Variants in DLG2 observed in about 807,000 individuals in gnomAD.
DLG2 encodes discs large MAGUK scaffold protein 2, also known as disks large homolog 2.
DLG2 carries 45 observed loss-of-function variants against 132.5 expected under a neutral mutation model. The observed-to-expected ratio is 0.34, with a 90% CI of 0.27 to 0.44. DLG2 has a LOEUF of 0.44. DLG2 is among the 20% of genes least tolerant of loss of function. The pLI is 1.00. For synonymous variants in DLG2, 424 were observed against 419.6 expected (o/e 1.01, Z -0.13); for missense variants, 1,045 against 1,196.9 (o/e 0.87, Z 1.87).
At chr11:84,644,634 A>G (rs1167352675) in intron 6 of DLG2, among the ~76,000 whole-genome samples, 6 of 150,386 alleles carry the variant, frequency 4.0e-5, no homozygotes, top group Non-Finnish European at 7.4e-5. Flanking sequence ...TGAACTCTGG[A>G]GGCGCAGCTT....
chr11:84,435,639 C>A lies in DLG2; in HGVS notation c.519+98931G>T, dbSNP rs561393335. Among the ~76,000 whole-genome samples the A allele has an allele frequency of 4.9e-4, 74 of 152,204 alleles. 1 individual carries two copies. Among genetic ancestry groups the A allele is most frequent in the African/African-American group, 1.6e-3 (66 of 41,532 alleles). On this transcript the variant is annotated intron_variant, in intron 7 of 27. Transcript: ENST00000376104. Reference sequence around the variant, plus strand: ...GAGTAAGGTAATTAAATAATTTGAACCCTTAAAATCAAACTTGGTTTCTTC... The same window carrying A: ...GAGTAAGGTAATTAAATAATTTGAAACCTTAAAATCAAACTTGGTTTCTTC...
chr11:85,019,712 T>C (rs1191829295), intron 6 of DLG2, among the ~76,000 whole-genome samples: 5 of 152,138 alleles, frequency 3.3e-5, no homozygotes, highest in Non-Finnish European at 5.9e-5. Context: ...AGTGAGAACA[T>C]GCGGTGTTTG....
chr11:84,202,362 T>C (rs1362197237), intron 8 of DLG2, among the ~76,000 whole-genome samples: 1 of 152,176 alleles, frequency 6.6e-6, no homozygotes, highest in South Asian at 2.1e-4. Flanking sequence ...AAATAAGCAA[T>C]GAGGAAAGGA....
chr11:83,964,146 T>A (rs976141182), intron 13 of DLG2, among the ~76,000 whole-genome samples: 2 of 152,014 alleles, frequency 1.3e-5, no homozygotes, highest in African/African-American at 4.8e-5. Context: ...AATACTTATT[T>A]GTTAGGTTTA....
At chr11:84,839,306 A>G (rs1176189769) in intron 6 of DLG2, among the ~76,000 whole-genome samples, 1 of 152,160 alleles carries the variant, frequency 6.6e-6, no homozygotes, top group Non-Finnish European at 1.5e-5. Context: ...GGACCTCTTC[A>G]AGGAGAACTA....
intron 6 of DLG2, among the ~76,000 whole-genome samples, chr11:84,554,512 C>T (rs781518040): frequency 2.6e-5 from 4 of 151,980 alleles, no homozygotes; most frequent in East Asian, 1.9e-4. Flanking sequence ...TTTGGGAGGC[C>T]GAGGTGGGCA....
At chr11:85,057,020 A>T (rs555530200) in intron 6 of DLG2, among the ~76,000 whole-genome samples, 35 of 151,886 alleles carry the variant, frequency 2.3e-4, no homozygotes, top group Non-Finnish European at 4.9e-4. Context: ...GAGGGCCAAA[A>T]ATAGGGTCAA....
At chr11:84,417,069 G>A (rs1445736628) in intron 7 of DLG2, among the ~76,000 whole-genome samples, 1 of 152,198 alleles carries the variant, frequency 6.6e-6, no homozygotes, top group Non-Finnish European at 1.5e-5. Context: ...TAGGCAGCTA[G>A]TTGGTGAACA....
intron 5 of DLG2, among the ~76,000 whole-genome samples, chr11:85,148,334 C>T (rs2076997211): frequency 2.0e-5 from 3 of 152,092 alleles, no homozygotes; most frequent in Admixed American, 2.0e-4. Context: ...GGCACACTGT[C>T]TTCCACAACA....
intron 3 of DLG2, among the ~76,000 whole-genome samples, chr11:85,590,486 T>C (rs1237693972): frequency 6.6e-6 from 1 of 152,174 alleles, no homozygotes; most frequent in East Asian, 1.9e-4. Flanking sequence ...AGAAATAATG[T>C]CTATATCACA....
intron 6 of DLG2, among the ~76,000 whole-genome samples, chr11:84,753,639 G>C (rs1231183259): frequency 1.3e-5 from 2 of 152,308 alleles, no homozygotes; most frequent in South Asian, 4.1e-4. Flanking sequence ...TATTCACATA[G>C]GAGATCAGGA....
intron 6 of DLG2, among the ~76,000 whole-genome samples, chr11:84,571,965 A>G (rs1006517325): frequency 2.0e-5 from 3 of 152,138 alleles, no homozygotes; most frequent in South Asian, 2.1e-4. Context: ...TTAGGTACTT[A>G]TAACAACTCT....
intron 21 of DLG2, among the ~76,000 whole-genome samples, chr11:83,516,218 G>C (rs1013042991): frequency 6.6e-6 from 1 of 152,152 alleles, no homozygotes; most frequent in African/African-American, 2.4e-5. Context: ...CCTGTATTGG[G>C]TGCATATATA....
intron 7 of DLG2, among the ~76,000 whole-genome samples, chr11:84,365,496 T>G (rs1405800214): frequency 6.6e-6 from 1 of 152,162 alleles, no homozygotes; most frequent in Admixed American, 6.6e-5. Flanking sequence ...AAGGGTTTTT[T>G]ATGTCTCTAT....
At chr11:84,963,455 TCA>T (rs140241727) in intron 6 of DLG2, among the ~76,000 whole-genome samples, 39,876 of 152,008 alleles carry the variant, frequency 0.26, 5,808 homozygotes, top group East Asian at 0.6. Context: ...CCTGGCTGTT[TCA>T]ATAAGGTATC....
intron 4 of DLG2, among the ~76,000 whole-genome samples, chr11:85,279,986 G>T (rs999187905): frequency 3.3e-5 from 5 of 152,020 alleles, no homozygotes; most frequent in African/African-American, 9.7e-5. Flanking sequence ...TTTTTGCTTT[G>T]CAAAATGCTT....
At chr11:84,463,072 G>A (rs959158583) in intron 7 of DLG2, among the ~76,000 whole-genome samples, 5 of 151,174 alleles carry the variant, frequency 3.3e-5, no homozygotes, top group African/African-American at 1.2e-4. Context: ...AAATCTCTGA[G>A]CCAGCACCTT....
chr11:84,991,919 T>C (rs2057164404), intron 6 of DLG2, among the ~76,000 whole-genome samples: 1 of 152,228 alleles, frequency 6.6e-6, no homozygotes, highest in African/African-American at 2.4e-5. Flanking sequence ...ACTAACTTGA[T>C]ATGCAAATTC....
intron 11 of DLG2, among the ~76,000 whole-genome samples, chr11:84,056,139 G>A (rs929832255): frequency 1.3e-5 from 2 of 151,888 alleles, no homozygotes; most frequent in Non-Finnish European, 2.9e-5. Context: ...CATGTACCAT[G>A]GTGGTTTGCT....
Sources: allele counts gnomAD v4.1 joint callset (sites outside exome capture counted in the v4.1 genomes callset), GRCh38; gene constraint gnomAD v4.1.1; transcripts MANE v1.5; gene names NCBI Gene and HGNC (gene_info 2026-07-23, HGNC 2026-07-21).